Variants in CNGB3 observed in about 807,000 individuals in gnomAD.
CNGB3 encodes cyclic nucleotide-gated channel beta-3.
A neutral mutation model predicts 92.8 loss-of-function variants in CNGB3; 86 were observed. The ratio of observed to expected loss-of-function variants is 0.93; its 90% confidence interval spans 0.78 to 1.11. The LOEUF (loss-of-function observed/expected upper bound fraction) is 1.11, where lower values mean the gene tolerates loss of function less well. CNGB3 is among the 50% of genes least tolerant of loss of function. CNGB3 has a pLI of 0.00. For missense variants in CNGB3, 1,026 were observed against 956.8 expected (o/e 1.07, Z -0.95); for synonymous variants, 333 against 332.7 (o/e 1.00, Z -0.01).
intron 14 of CNGB3, among the ~76,000 whole-genome samples, chr8:86,605,374 C>T (rs1822393430): frequency 6.6e-6 from 1 of 152,034 alleles, no homozygotes; most frequent in African/African-American, 2.4e-5. Context: ...TCTAAATAGG[C>T]CAGATTGCAT....
chr8:86,631,870 T>G (rs1049208383), intron 11 of CNGB3, among the ~76,000 whole-genome samples: 1 of 152,202 alleles, frequency 6.6e-6, no homozygotes, highest in South Asian at 2.1e-4. Flanking sequence ...ATCAGGGACT[T>G]TGCTGACTGA....
chr8:86,657,822 C>T lies in CNGB3; in HGVS notation c.853-3760G>A, dbSNP rs555889442. On this transcript the variant is annotated intron_variant, in intron 6 of 17. Coordinates refer to ENST00000320005, the MANE Select transcript of CNGB3 (RefSeq NM_019098.5). ...GCTGCTGATGTATTCCTTCTGGTGC[C>T]ACGTCTTCAGCACTGACCTCTAGCT... The T allele has an allele frequency of 6.1e-5, 31 of 509,370 alleles. No homozygotes were observed. The East Asian group carries it at 1.6e-3, about 26-fold the overall frequency. The allele number at this position is 509,370 out of a possible 1,614,324, so 31.6% of individuals were successfully genotyped here.
At chr8:86,666,033 C>T (rs1216259540) in intron 6 of CNGB3, among the ~76,000 whole-genome samples, 1 of 152,206 alleles carries the variant, frequency 6.6e-6, no homozygotes, top group Non-Finnish European at 1.5e-5. Context: ...CAAAGATAAA[C>T]AAGGCACAGT....
chr8:86,671,509 T>G (rs1190317348), intron 3 of CNGB3, among the ~76,000 whole-genome samples: 1 of 152,202 alleles, frequency 6.6e-6, no homozygotes, highest in Non-Finnish European at 1.5e-5. Flanking sequence ...GTAGTCCATG[T>G]TATGTGGCAC....
chr8:86,659,314 C>T, intron 6 of CNGB3: 1 of 1,140,978 alleles, frequency 8.8e-7, no homozygotes. Flanking sequence ...TCCAGCTGTG[C>T]CTGCTCCTCC....
At chr8:86,607,399 A>C (rs1822431485) in intron 14 of CNGB3, among the ~76,000 whole-genome samples, 1 of 152,178 alleles carries the variant, frequency 6.6e-6, no homozygotes. Flanking sequence ...CTTCATGTAG[A>C]GTGAGGTAAC....
At chr8:86,589,626 A>C (rs1335364261) in intron 15 of CNGB3, among the ~76,000 whole-genome samples, 2 of 152,082 alleles carry the variant, frequency 1.3e-5, no homozygotes, top group East Asian at 3.8e-4. Flanking sequence ...CAGGTTGTTC[A>C]GTTTCCATGT....
At chr8:86,701,745 C>T (rs536161797) in intron 3 of CNGB3, among the ~76,000 whole-genome samples, 1 of 152,182 alleles carries the variant, frequency 6.6e-6, no homozygotes, top group Non-Finnish European at 1.5e-5. Context: ...GTAAATAATT[C>T]AATAGATAAC....
At chr8:86,577,211 G>A (rs1347080661) in intron 17 of CNGB3, among the ~76,000 whole-genome samples, 2 of 152,172 alleles carry the variant, frequency 1.3e-5, no homozygotes, top group Non-Finnish European at 2.9e-5. Flanking sequence ...GTGTAGGCCT[G>A]TAAGTCTGAA....
At chr8:86,661,753 G>C in intron 6 of CNGB3, 1 of 1,586,844 alleles carries the variant, frequency 6.3e-7, no homozygotes, top group Non-Finnish European at 8.6e-7. Flanking sequence ...CAAACATCCA[G>C]GTGCTTAGGA....
At position 86,626,092 on chromosome 8, in the gene CNGB3, T is replaced by C; in HGVS notation, c.1481-12A>G. 6.3e-7 allele frequency: 1 copy of C among 1,584,414 alleles called. No individual in the cohort carries two copies. Among genetic ancestry groups the C allele is most frequent in the Non-Finnish European group, 8.7e-7 (1 of 1,153,548 alleles). The stretch of plus-strand genomic sequence containing the variant: ...CAAATCAGACTCATCTTTATAAAGA[T>C]AAACACATCAAACCCCGATGCAGAA... On this transcript the variant is annotated splice_polypyrimidine_tract_variant and intron_variant, in intron 12 of 17. Transcript: ENST00000320005.
chr8:86,692,288 T>C (rs1016368254), intron 3 of CNGB3, among the ~76,000 whole-genome samples: 7 of 152,172 alleles, frequency 4.6e-5, no homozygotes, highest in Admixed American at 1.3e-4. Context: ...TTGTTGACTT[T>C]AGTCTTGATG....
chr8:86,709,724 T>A (rs780853762), intron 3 of CNGB3, among the ~76,000 whole-genome samples: 1 of 152,116 alleles, frequency 6.6e-6, no homozygotes, highest in African/African-American at 2.4e-5. Flanking sequence ...AAACATTACC[T>A]TTCACATAAA....
At chr8:86,705,534 T>C (rs1396712576) in intron 3 of CNGB3, among the ~76,000 whole-genome samples, 2 of 152,194 alleles carry the variant, frequency 1.3e-5, no homozygotes, top group East Asian at 3.9e-4. Flanking sequence ...ATTATCTGGG[T>C]GGGCCCAATA....
At chr8:86,740,877 C>T (rs1361106869) in intron 1 of CNGB3, among the ~76,000 whole-genome samples, 1 of 152,048 alleles carries the variant, frequency 6.6e-6, no homozygotes, top group East Asian at 1.9e-4. Flanking sequence ...TATTTATAAA[C>T]AGTGAAAAAG....
chr8:86,666,706 T>C (rs552020531), intron 6 of CNGB3, among the ~76,000 whole-genome samples: 1 of 152,290 alleles, frequency 6.6e-6, no homozygotes, highest in Admixed American at 6.5e-5. Flanking sequence ...ACTTTAAATA[T>C]GAGGAAACTA....
At chr8:86,632,451 T>C (rs1822981384) in intron 11 of CNGB3, among the ~76,000 whole-genome samples, 1 of 152,060 alleles carries the variant, frequency 6.6e-6, no homozygotes, top group African/African-American at 2.4e-5. Context: ...TTTAAGTAAA[T>C]AAAAGAGATT....
At chr8:86,613,921 A>G (rs1342175906) in intron 13 of CNGB3, among the ~76,000 whole-genome samples, 1 of 147,768 alleles carries the variant, frequency 6.8e-6, no homozygotes, top group African/African-American at 2.5e-5. Context: ...ATATGTACAT[A>G]TAATATATAA....
intron 6 of CNGB3, chr8:86,659,706 C>T (rs115027349): frequency 2.5e-6 from 1 of 395,412 alleles, no homozygotes; most frequent in Non-Finnish European, 5.0e-6. Context: ...ACAGAGCTGT[C>T]CATAACTCTG....
Sources: allele counts gnomAD v4.1 joint callset (sites outside exome capture counted in the v4.1 genomes callset), GRCh38; gene constraint gnomAD v4.1.1; transcripts MANE v1.5; gene names NCBI Gene and HGNC (gene_info 2026-07-23, HGNC 2026-07-21).